Variants in MYO5A observed in about 807,000 individuals in gnomAD.
MYO5A encodes myosin VA.
In MYO5A, 98 loss-of-function variants were observed where a neutral mutation model predicts 249.7. The ratio of observed to expected loss-of-function variants is 0.39; its 90% CI spans 0.33 to 0.46. MYO5A has a LOEUF of 0.46. MYO5A is among the 20% of genes least tolerant of loss of function. MYO5A has a pLI of 0.98. For synonymous variants in MYO5A, 778 were observed against 810.6 expected (o/e 0.96, Z 0.68); for missense variants, 1,696 against 2,308.8 (o/e 0.73, Z 5.44).
At chr15:52,325,586 G>T (rs1188907559) in intron 36 of MYO5A, among the ~76,000 whole-genome samples, 2 of 151,738 alleles carry the variant, frequency 1.3e-5, no homozygotes, top group Non-Finnish European at 2.9e-5. Context: ...ATGTTTTATA[G>T]AGACAGGGTC....
chr15:52,503,477 T>G (rs894621796), intron 1 of MYO5A, among the ~76,000 whole-genome samples: 1 of 144,920 alleles, frequency 6.9e-6, no homozygotes, highest in African/African-American at 2.6e-5. Flanking sequence ...AAAAAAAAAA[T>G]AAAGAAATTT....
At chr15:52,428,684 A>G in intron 2 of MYO5A, 115 bp from the exon 3 acceptor site, 1 of 1,084,486 alleles carries the variant, frequency 9.2e-7, no homozygotes, top group Non-Finnish European at 1.4e-6. Flanking sequence ...TAAATGCATT[A>G]TTTTCCTAGC....
At chr15:52,382,457 G>A (rs1337399599) in intron 16 of MYO5A, among the ~76,000 whole-genome samples, 2 of 152,076 alleles carry the variant, frequency 1.3e-5, no homozygotes, top group African/African-American at 4.8e-5. Context: ...TGTAATCCCA[G>A]CTACTCGGGA....
intron 1 of MYO5A, among the ~76,000 whole-genome samples, chr15:52,484,768 C>T (rs971960681): frequency 1.3e-5 from 2 of 152,278 alleles, no homozygotes; most frequent in Admixed American, 6.5e-5. Flanking sequence ...CCTTAGTCTC[C>T]GAGTAGCTGG....
Position 52,405,302 on chromosome 15 carries a change from G to A in MYO5A, c.1038C>T (p.Asp346=), listed in dbSNP as rs376927834. The A allele has an allele frequency of 9.3e-6, 15 of 1,611,544 alleles. No individual in the cohort carries two copies. The highest frequency in any genetic ancestry group is 1.3e-5 in the Non-Finnish European group (15 of 1,177,706). Residue 346 remains aspartate (D), a synonymous_variant, in exon 9 of 42, where the codon GAC becomes GAT. Coordinates refer to ENST00000399233, the MANE Select transcript of MYO5A (RefSeq NM_001382347.1). ...CTGAACTTACAGGTATTGTGCAGCT[G>A]TCTGCATCTCGGGATGTAAATCCAA... The part of the protein sequence containing the change: ...GNVGFTSRDA[D]SCTIPPKHEP...
chr15:52,524,600 TG>T (rs2077695183), intron 1 of MYO5A, among the ~76,000 whole-genome samples: 1 of 134,070 alleles, frequency 7.5e-6, no homozygotes, highest in Non-Finnish European at 1.7e-5. Context: ...TAAAATAGGC[TG>T]GGTGTGGTGG....
chr15:52,485,466 GA>G (rs2076801368), intron 1 of MYO5A, among the ~76,000 whole-genome samples: 1 of 152,098 alleles, frequency 6.6e-6, no homozygotes, highest in South Asian at 2.1e-4. Context: ...CGAGACCTCT[GA>G]TTAGATCATG....
rs1214598293 is a variant in MYO5A, at chr15:52,422,665, G to A, written c.455+3165C>T. 6.6e-5 allele frequency among the ~76,000 whole-genome samples: 10 copies of A among 152,004 alleles called. 1 individual carries two copies. ...CAATAACCTCCCAACTAGTCTCCTG[G>A]CCTCTACCCTTGCTCCAGCACAGTA... is the stretch of plus-strand genomic sequence containing the variant. On this transcript the variant is annotated intron_variant, in intron 4 of 41. Coordinates refer to ENST00000399233, the MANE Select transcript of MYO5A (RefSeq NM_001382347.1).
intron 20 of MYO5A, among the ~76,000 whole-genome samples, chr15:52,373,756 G>C (rs1360369619): frequency 6.6e-6 from 1 of 152,136 alleles, no homozygotes; most frequent in African/African-American, 2.4e-5. Flanking sequence ...AAGGTAACTA[G>C]TTTGGTGTAT....
intron 1 of MYO5A, among the ~76,000 whole-genome samples, chr15:52,435,179 A>G (rs1255271404): frequency 6.6e-6 from 1 of 152,210 alleles, no homozygotes; most frequent in Non-Finnish European, 1.5e-5. Context: ...GAACGAAAGT[A>G]CAGGTAGATC....
intron 1 of MYO5A, among the ~76,000 whole-genome samples, chr15:52,451,319 T>G (rs988936860): frequency 1.3e-5 from 2 of 152,052 alleles, no homozygotes; most frequent in African/African-American, 4.8e-5. Flanking sequence ...CCTCTCTCCA[T>G]CTCTACAGCC....
At position 52,337,029 on chromosome 15, in the gene MYO5A, C is replaced by T. The variant is rs140514351; in HGVS notation, c.4315-473G>A. On this transcript the variant is annotated intron_variant, in intron 33 of 41. Transcript: ENST00000399233. Reference sequence around the variant, plus strand: ...CCACCCTATGAAATTCTAAAATTAGCCCTGAAACTTAAGAATAGTTCAGAA... The same window carrying T: ...CCACCCTATGAAATTCTAAAATTAGTCCTGAAACTTAAGAATAGTTCAGAA... Among the ~76,000 whole-genome samples the T allele has an allele frequency of 4.5e-4, 69 of 152,120 alleles. 2 individuals carry two copies. In the East Asian group the frequency reaches 7.1e-3, roughly 16 times the overall value.
chr15:52,393,608 C>T (rs187916774), intron 11 of MYO5A, among the ~76,000 whole-genome samples: 27 of 152,104 alleles, frequency 1.8e-4, no homozygotes, highest in African/African-American at 5.5e-4. Context: ...TTAGCCAGGA[C>T]AGTCTCGATC....
Position 52,307,818 on chromosome 15 carries a change from A to C in MYO5A, c.*5878T>G, listed in dbSNP as rs1161415790. The C allele has an allele frequency of 2.0e-5, 3 of 152,156 alleles. No individual in the cohort carries two copies. Among genetic ancestry groups the C allele is most frequent in the Non-Finnish European group, 2.9e-5 (2 of 67,996 alleles). The allele number at this position is 152,156 out of a possible 1,614,324, so 9.4% of individuals were successfully genotyped here. ...TGGCATGAACTCATTTTTGCGCAACACTGTTAGCGCAATTTAAATCTCCCA... is the reference window on the plus strand; with the variant it reads ...TGGCATGAACTCATTTTTGCGCAACCCTGTTAGCGCAATTTAAATCTCCCA... On this transcript the variant is annotated 3_prime_UTR_variant, in exon 42 of 42. Transcript: ENST00000399233.
intron 40 of MYO5A, 95 bp from the exon 41 acceptor site, chr15:52,314,298 A>ATCCT: frequency 2.2e-6 from 2 of 917,884 alleles, no homozygotes; most frequent in Non-Finnish European, 3.6e-6. Context: ...GTGCGTACAG[A>ATCCT]TTTCAGTTCT....
intron 1 of MYO5A, among the ~76,000 whole-genome samples, chr15:52,485,451 C>G (rs2076800818): frequency 6.6e-6 from 1 of 152,122 alleles, no homozygotes; most frequent in South Asian, 2.1e-4. Flanking sequence ...CAGTTGATCT[C>G]TGCACGAGAC....
chr15:52,344,696 C>T (rs1596320036), intron 30 of MYO5A, among the ~76,000 whole-genome samples: 1 of 152,230 alleles, frequency 6.6e-6, no homozygotes, highest in Non-Finnish European at 1.5e-5. Flanking sequence ...AATCAAATCT[C>T]ATCACACCAT....
chr15:52,352,117 G>A (rs1162603909), intron 27 of MYO5A, among the ~76,000 whole-genome samples: 1 of 152,210 alleles, frequency 6.6e-6, no homozygotes, highest in African/African-American at 2.4e-5. Context: ...GGAGGCAGGA[G>A]GCAAGGCTGA....
chr15:52,456,697 A>C (rs1483363996), intron 1 of MYO5A, among the ~76,000 whole-genome samples: 1 of 152,168 alleles, frequency 6.6e-6, no homozygotes, highest in African/African-American at 2.4e-5. Context: ...TTTTGAAAAA[A>C]GCACCAAGTA....
Sources: allele counts gnomAD v4.1 joint callset (sites outside exome capture counted in the v4.1 genomes callset), GRCh38; gene constraint gnomAD v4.1.1; transcripts MANE v1.5; gene names NCBI Gene and HGNC (gene_info 2026-07-23, HGNC 2026-07-21).